Variants in EFCAB5 observed in about 807,000 individuals in gnomAD.
The protein encoded by EFCAB5 is EF-hand calcium binding domain 5.
EFCAB5 carries 131 observed loss-of-function variants against 167.9 expected under a neutral mutation model. The observed-to-expected ratio is 0.78, with a 90% CI of 0.68 to 0.90. The LOEUF is 0.90. Among genes scored for constraint, EFCAB5 ranks in the 40% least tolerant of loss-of-function variants. EFCAB5 has a pLI of 0.00. For missense variants in EFCAB5, 1,663 were observed against 1,745.2 expected (o/e 0.95, Z 0.84); for synonymous variants, 574 against 602.8 (o/e 0.95, Z 0.70).
At chr17:29,967,541 G>A (rs79518154) in intron 3 of EFCAB5, among the ~76,000 whole-genome samples, 6 of 152,264 alleles carry the variant, frequency 3.9e-5, no homozygotes, top group South Asian at 2.1e-4. Flanking sequence ...GGTCTCCACC[G>A]TATCTTTTTA....
chr17:30,069,915 G>A (rs1255088055), intron 14 of EFCAB5, among the ~76,000 whole-genome samples: 1 of 152,182 alleles, frequency 6.6e-6, no homozygotes, highest in Non-Finnish European at 1.5e-5. Context: ...TAGACAAACT[G>A]AATGCTGGAG....
chr17:30,098,538 A>G (rs1414322596), intron 22 of EFCAB5, among the ~76,000 whole-genome samples: 1 of 147,666 alleles, frequency 6.8e-6, no homozygotes, highest in African/African-American at 2.5e-5. Context: ...TCTACAGAGA[A>G]AAAAAAAAAA....
At chr17:30,060,788 T>A (rs990023910) in intron 14 of EFCAB5, among the ~76,000 whole-genome samples, 1 of 152,224 alleles carries the variant, frequency 6.6e-6, no homozygotes, top group Middle Eastern at 3.2e-3. Flanking sequence ...TTTTCACTTA[T>A]CAAATGGGCA....
At chr17:29,965,035 C>T (rs1597590031) in intron 3 of EFCAB5, among the ~76,000 whole-genome samples, 1 of 151,194 alleles carries the variant, frequency 6.6e-6, no homozygotes, top group Non-Finnish European at 1.5e-5. Flanking sequence ...CCGAGTAGTT[C>T]GGACTACAGG....
At chr17:29,962,626 G>A (rs1311222838) in intron 3 of EFCAB5, among the ~76,000 whole-genome samples, 2 of 130,254 alleles carry the variant, frequency 1.5e-5, no homozygotes, top group African/African-American at 5.8e-5. Context: ...GTGCCACCAT[G>A]CCTGGCTTTT....
intron 4 of EFCAB5, among the ~76,000 whole-genome samples, chr17:29,972,069 GC>G (rs2067965484): frequency 6.6e-6 from 1 of 150,730 alleles, no homozygotes; most frequent in South Asian, 2.1e-4. Context: ...ATGGAGTCTC[GC>G]TCTGTCGCCC....
intron 7 of EFCAB5, among the ~76,000 whole-genome samples, chr17:30,012,708 T>C (rs1048823267): frequency 6.6e-6 from 1 of 152,192 alleles, no homozygotes; most frequent in Non-Finnish European, 1.5e-5. Context: ...CTTTGTCTTG[T>C]GTCTTTATTT....
chr17:30,050,346 G>T (rs1180755610), intron 8 of EFCAB5, among the ~76,000 whole-genome samples: 1 of 152,126 alleles, frequency 6.6e-6, no homozygotes, highest in Non-Finnish European at 1.5e-5. Flanking sequence ...CGTTGGTCAG[G>T]CTGGTCTCGA....
At chr17:29,979,539 C>T (rs1211244313) in intron 4 of EFCAB5, among the ~76,000 whole-genome samples, 9 of 152,198 alleles carry the variant, frequency 5.9e-5, no homozygotes, top group Non-Finnish European at 1.2e-4. Flanking sequence ...CAAGTGTCCT[C>T]TTTGGGAATC....
chr17:29,935,994 T>A (rs888505091), intron 1 of EFCAB5, among the ~76,000 whole-genome samples: 1 of 152,134 alleles, frequency 6.6e-6, no homozygotes, highest in African/African-American at 2.4e-5. Flanking sequence ...TGGATTCAGC[T>A]GTTGCTACAA....
intron 6 of EFCAB5, among the ~76,000 whole-genome samples, chr17:29,999,620 G>A (rs939681225): frequency 2.3e-4 from 35 of 152,018 alleles, no homozygotes; most frequent in African/African-American, 4.8e-5. Flanking sequence ...TGTTTTTGTA[G>A]CCTTTTATAC....
rs892342649 is a variant in EFCAB5 at position 29,943,761 on chromosome 17, G to A, written c.190+112G>A. On this transcript the variant is annotated intron_variant, in intron 3 of 22. Transcript: ENST00000394835. ...GGCCGAGGCGGGTGGATCATCAGAGGTCAGGAGTTCGAAACCAGCCTGGCC... is the reference window on the plus strand; with the variant it reads ...GGCCGAGGCGGGTGGATCATCAGAGATCAGGAGTTCGAAACCAGCCTGGCC... The A allele has an allele frequency of 5.1e-5, 43 of 845,538 alleles. 2 individuals are homozygous for A. The highest frequency in any genetic ancestry group is 3.4e-4 in the East Asian group (9 of 26,338). The allele number at this position is 845,538 out of a possible 1,614,324, so 52.4% of individuals were successfully genotyped here.
At chr17:30,044,115 T>A (rs1474009251) in intron 8 of EFCAB5, among the ~76,000 whole-genome samples, 2 of 152,128 alleles carry the variant, frequency 1.3e-5, no homozygotes, top group African/African-American at 2.4e-5. Flanking sequence ...ATAATGGGCA[T>A]GCCAGAAAAG....
rs552836519 is a variant in EFCAB5, at chr17:29,941,969, G to C, written c.42+131G>C. On this transcript the variant is annotated intron_variant, in intron 1 of 22. Transcript: ENST00000394835. The stretch of plus-strand genomic sequence containing the variant: ...TTTTTGGTTGAAGTATTCTGCATCA[G>C]GTTTTGACAGAAATGCTGTAAAAGG... 2.0e-4 allele frequency: 216 copies of C among 1,062,618 alleles called. No homozygotes were observed. In the South Asian group the frequency reaches 3.3e-3, roughly 16 times the overall value. 65.8% of individuals were successfully genotyped at this position (1,062,618 alleles called of 1,614,324 possible). A position where few individuals can be genotyped will look rare whatever the true frequency, so the allele number is the denominator to read the frequency against.
At chr17:30,021,659 TG>T (rs1328515608) in intron 7 of EFCAB5, among the ~76,000 whole-genome samples, 1 of 152,028 alleles carries the variant, frequency 6.6e-6, no homozygotes, top group African/African-American at 2.4e-5. Context: ...AAAGAAGAGC[TG>T]TTACCTGAAC....
intron 7 of EFCAB5, among the ~76,000 whole-genome samples, chr17:30,033,696 C>T (rs1422948960): frequency 6.6e-6 from 1 of 151,898 alleles, no homozygotes; most frequent in Non-Finnish European, 1.5e-5. Context: ...GAGAAATGGC[C>T]GAAGAGTATA....
intron 4 of EFCAB5, among the ~76,000 whole-genome samples, chr17:29,970,525 A>G (rs747897688): frequency 4.0e-5 from 6 of 151,818 alleles, no homozygotes; most frequent in Non-Finnish European, 5.9e-5. Flanking sequence ...TTGAAATCTG[A>G]TTACATCTAT....
chr17:30,078,637 C>T (rs2070919599), intron 15 of EFCAB5, 133 bp downstream of exon 15: 1 of 1,135,586 alleles, frequency 8.8e-7, no homozygotes, highest in Non-Finnish European at 1.2e-6. Context: ...TTATTCATTC[C>T]AGTCCATTAC....
chr17:30,066,667 G>A (rs769177660), intron 14 of EFCAB5, among the ~76,000 whole-genome samples: 11 of 151,618 alleles, frequency 7.3e-5, no homozygotes, highest in Non-Finnish European at 1.0e-4. Flanking sequence ...AAATAATAAA[G>A]ATCAAAGCAC....
Sources: allele counts gnomAD v4.1 joint callset (sites outside exome capture counted in the v4.1 genomes callset), GRCh38; gene constraint gnomAD v4.1.1; transcripts MANE v1.5; gene names NCBI Gene and HGNC (gene_info 2026-07-23, HGNC 2026-07-21).